Variants in TMPRSS11A observed in about 807,000 individuals in gnomAD.
TMPRSS11A encodes transmembrane protease serine 11A.
A neutral mutation model predicts 58.9 loss-of-function variants in TMPRSS11A; 53 were observed. The ratio of observed to expected loss-of-function variants is 0.90; its 90% CI spans 0.72 to 1.13. The LOEUF is 1.13. Ranked by LOEUF, TMPRSS11A falls within the 50% of genes most tolerant of loss-of-function variation. The pLI is 0.00. For missense variants in TMPRSS11A, 493 were observed against 499.3 expected, an observed-to-expected ratio of 0.99 and a Z score of 0.12; for synonymous variants, 167 against 169.8, an observed-to-expected ratio of 0.98 and a Z score of 0.13.
chr4:67,916,762 G>C (rs1306736680), intron 8 of TMPRSS11A, among the ~76,000 whole-genome samples: 1 of 152,142 alleles, frequency 6.6e-6, no homozygotes, highest in African/African-American at 2.4e-5. Flanking sequence ...GGGAGGCGGA[G>C]TTTGCAGTGA....
intron 4 of TMPRSS11A, 57 bp from the exon 5 acceptor site, chr4:67,930,097 A>C: frequency 7.9e-6 from 12 of 1,513,416 alleles, no homozygotes; most frequent in Non-Finnish European, 1.1e-5. Context: ...ATTGTCCTTC[A>C]GTCTTACCTG....
intron 3 of TMPRSS11A, among the ~76,000 whole-genome samples, chr4:67,938,020 A>G (rs1372629449): frequency 6.6e-6 from 1 of 152,162 alleles, no homozygotes; most frequent in Non-Finnish European, 1.5e-5. Context: ...TTACGTTTCC[A>G]ACAGTATTTA....
chr4:67,912,822 C>A (rs545563445), intron 9 of TMPRSS11A, among the ~76,000 whole-genome samples: 1 of 152,196 alleles, frequency 6.6e-6, no homozygotes, highest in South Asian at 2.1e-4. Flanking sequence ...CTACTTGGAC[C>A]TTTTCTTCAA....
At position 67,914,681 on chromosome 4, in the gene TMPRSS11A, A is replaced by G. The variant is rs1371932; in HGVS notation, c.1002T>C (p.Asp334=). Residue 334 remains aspartate, a synonymous_variant, in exon 9 of 10, where the codon GAT becomes GAC. Transcript: ENST00000508048. ...LREARVKIIS[D]DVCKQPQVYG... ...ACACCTGTGGTTGCTTGCAGACATCATCACTTATGATTTTCACTCTGGCTT... is the reference window on the plus strand; with the variant it reads ...ACACCTGTGGTTGCTTGCAGACATCGTCACTTATGATTTTCACTCTGGCTT... The G allele has an allele frequency of 0.56, 894,175 of 1,610,684 alleles. 251,673 individuals carry two copies. Among genetic ancestry groups the G allele is most frequent in the East Asian group, 0.68 (30,492 of 44,670 alleles).
At position 67,943,603 on chromosome 4, in the gene TMPRSS11A, C is replaced by A. The variant is rs112391311; in HGVS notation, c.252+916G>T. ...AAGATGCTCTGCATGTGAAAGAATG[C>A]AGAATCTATATCAATCTGTAGACAT... On this transcript the variant is annotated intron_variant, in intron 3 of 9. Transcript: ENST00000508048. Among the ~76,000 whole-genome samples the A allele has an allele frequency of 6.1e-4, 93 of 152,168 alleles. 1 individual carries two copies. In the South Asian group the frequency reaches 0.013, roughly 21 times the overall value.
At chr4:67,959,567 A>G (rs1420185026) in intron 1 of TMPRSS11A, among the ~76,000 whole-genome samples, 1 of 152,248 alleles carries the variant, frequency 6.6e-6, no homozygotes, top group East Asian at 1.9e-4. Flanking sequence ...AAAAGAAGAC[A>G]TACAGGTGGA....
At chr4:67,954,574 A>G (rs1721239742) in intron 1 of TMPRSS11A, among the ~76,000 whole-genome samples, 1 of 152,254 alleles carries the variant, frequency 6.6e-6, no homozygotes, top group African/African-American at 2.4e-5. Context: ...TTAGCAAAAT[A>G]TGGAGTTTTA....
intron 5 of TMPRSS11A, among the ~76,000 whole-genome samples, chr4:67,928,180 G>A (rs1720520765): frequency 6.6e-6 from 1 of 152,154 alleles, no homozygotes; most frequent in Non-Finnish European, 1.5e-5. Context: ...AAGTAGCTGG[G>A]ATTACAGGTG....
chr4:67,928,234 C>T (rs1235570090), intron 5 of TMPRSS11A, among the ~76,000 whole-genome samples: 9 of 152,168 alleles, frequency 5.9e-5, no homozygotes, highest in South Asian at 2.1e-4. Flanking sequence ...TTAGAAGAGA[C>T]GGGGTTTCAC....
chr4:67,958,611 A>G (rs1388019800), intron 1 of TMPRSS11A, among the ~76,000 whole-genome samples: 1 of 152,232 alleles, frequency 6.6e-6, no homozygotes, highest in Non-Finnish European at 1.5e-5. Context: ...GCTCATAGGC[A>G]GAAGGGACCT....
intron 1 of TMPRSS11A, among the ~76,000 whole-genome samples, chr4:67,952,774 A>G (rs1721194575): frequency 2.0e-5 from 3 of 152,234 alleles, no homozygotes; most frequent in Non-Finnish European, 2.9e-5. Context: ...ATGTGTACAC[A>G]TATCTTCTTC....
intron 1 of TMPRSS11A, among the ~76,000 whole-genome samples, chr4:67,963,083 A>C (rs575368557): frequency 2.0e-5 from 3 of 152,352 alleles, no homozygotes; most frequent in Admixed American, 6.5e-5. Flanking sequence ...CACACACACA[A>C]AAAAATCAAA....
intron 1 of TMPRSS11A, among the ~76,000 whole-genome samples, chr4:67,956,811 T>C (rs532566942): frequency 6.9e-4 from 105 of 152,312 alleles, no homozygotes; most frequent in Middle Eastern, 6.8e-3. Flanking sequence ...CTATTATTCC[T>C]TATATGGCAG....
At chr4:67,943,240 C>T (rs1720921692) in intron 3 of TMPRSS11A, among the ~76,000 whole-genome samples, 1 of 152,154 alleles carries the variant, frequency 6.6e-6, no homozygotes, top group Admixed American at 6.6e-5. Context: ...CCGCATTTCT[C>T]TCACTTCTCT....
chr4:67,934,290 A>C (rs1272748686), intron 3 of TMPRSS11A, among the ~76,000 whole-genome samples: 3 of 152,164 alleles, frequency 2.0e-5, no homozygotes, highest in Non-Finnish European at 2.9e-5. Context: ...GGAAAATCAG[A>C]AAAAACATGA....
At chr4:67,926,360 C>T (rs1010473028) in intron 5 of TMPRSS11A, among the ~76,000 whole-genome samples, 1 of 152,172 alleles carries the variant, frequency 6.6e-6, no homozygotes, top group Non-Finnish European at 1.5e-5. Context: ...ATTTTGTTTG[C>T]CCAGGAAACA....
At chr4:67,939,592 G>C (rs539964628) in intron 3 of TMPRSS11A, among the ~76,000 whole-genome samples, 1 of 151,988 alleles carries the variant, frequency 6.6e-6, no homozygotes, top group Non-Finnish European at 1.5e-5. Context: ...ATGTTTCTTC[G>C]ATGCCTAGTC....
chr4:67,926,553 T>C (rs914260892), intron 5 of TMPRSS11A, among the ~76,000 whole-genome samples: 1 of 152,178 alleles, frequency 6.6e-6, no homozygotes, highest in Non-Finnish European at 1.5e-5. Flanking sequence ...CAGCCGACTG[T>C]GCCACCCCCA....
chr4:67,931,088 T>A (rs1308933107), intron 4 of TMPRSS11A, among the ~76,000 whole-genome samples: 4 of 152,050 alleles, frequency 2.6e-5, no homozygotes, highest in Non-Finnish European at 5.9e-5. Context: ...ATAATAATGT[T>A]GCTACAATAA....
Sources: allele counts gnomAD v4.1 joint callset (sites outside exome capture counted in the v4.1 genomes callset), GRCh38; gene constraint gnomAD v4.1.1; transcripts MANE v1.5; gene names NCBI Gene and HGNC (gene_info 2026-07-23, HGNC 2026-07-21).